SCAMP1: variants seen among roughly 807,000 people sequenced by gnomAD.
SCAMP1 encodes the protein secretory carrier-associated membrane protein 1.
SCAMP1 carries 15 observed loss-of-function variants against 41.8 expected under a neutral mutation model. That is an observed-to-expected ratio of 0.36 (90% CI 0.24 to 0.55). The LOEUF is 0.55. Ranked by LOEUF, SCAMP1 falls within the 20% of genes least tolerant of loss-of-function variation. The pLI is 0.86. For synonymous variants in SCAMP1, 135 were observed against 136.8 expected, an observed-to-expected ratio of 0.99 and a Z score of 0.09; for missense variants, 341 against 412.6, an observed-to-expected ratio of 0.83 and a Z score of 1.50.
At chr5:78,456,718 C>T (rs952345581) in intron 7 of SCAMP1, among the ~76,000 whole-genome samples, 7 of 150,806 alleles carry the variant, frequency 4.6e-5, no homozygotes, top group Admixed American at 4.6e-4. Context: ...TTTCCTGAAT[C>T]TGAGCGTTGG....
intron 2 of SCAMP1, among the ~76,000 whole-genome samples, chr5:78,413,586 T>G (rs1486440771): frequency 6.6e-6 from 1 of 152,060 alleles, no homozygotes; most frequent in Non-Finnish European, 1.5e-5. Context: ...CCTGTCTAAT[T>G]TTTTGTATTT....
Position 78,374,722 on chromosome 5 carries a change from G to A in SCAMP1, c.57+13994G>A, listed in dbSNP as rs527903820. On this transcript the variant is annotated intron_variant, in intron 1 of 8. Transcript: ENST00000621999. ...TAATCAAACAGATGCCTACTTAGGA[G>A]GTAAGTTGGCTTGGGCATGATTGCT... Among the ~76,000 whole-genome samples, 511 of 152,202 alleles carry A rather than the reference G, an allele frequency of 3.4e-3. 4 individuals carry two copies. Among genetic ancestry groups the A allele is most frequent in the African/African-American group, 0.012 (488 of 41,540 alleles).
intron 2 of SCAMP1, among the ~76,000 whole-genome samples, chr5:78,413,128 T>C (rs937482066): frequency 6.6e-6 from 1 of 152,250 alleles, no homozygotes; most frequent in East Asian, 1.9e-4. Context: ...TCTTTGTATA[T>C]GATGCGAAGT....
At chr5:78,441,226 C>T (rs547544148) in intron 6 of SCAMP1, among the ~76,000 whole-genome samples, 1 of 152,330 alleles carries the variant, frequency 6.6e-6, no homozygotes, top group African/African-American at 2.4e-5. Context: ...CAACCAGTCC[C>T]AGTGAGATGA....
intron 8 of SCAMP1, among the ~76,000 whole-genome samples, chr5:78,472,130 G>A (rs1753895148): frequency 6.6e-6 from 1 of 152,040 alleles, no homozygotes; most frequent in East Asian, 1.9e-4. Context: ...ATTTTCTAAA[G>A]TGACAGTACA....
chr5:78,460,796 C>CTTTCT (rs1202054068), intron 8 of SCAMP1, among the ~76,000 whole-genome samples: 1 of 35,666 alleles, frequency 2.8e-5, no homozygotes, highest in African/African-American at 1.6e-4. Context: ...TTCCTTCCTT[C>CTTTCT]CTTCCTTCCT....
intron 6 of SCAMP1, among the ~76,000 whole-genome samples, chr5:78,436,623 T>C (rs777251708): frequency 9.2e-5 from 14 of 152,248 alleles, no homozygotes; most frequent in Non-Finnish European, 1.8e-4. Flanking sequence ...TTGGTTACTG[T>C]AGCCTTGTAG....
Position 78,457,785 on chromosome 5 carries a change from T to C in SCAMP1, c.735-1460T>C, listed in dbSNP as rs1296190966. On this transcript the variant is annotated intron_variant, in intron 7 of 8. Coordinates refer to ENST00000621999, the MANE Select transcript of SCAMP1 (RefSeq NM_004866.6). Reference sequence around the variant, plus strand: ...AATGGTGGGCGCCCCTCCCCCAGCCTCGCTGCCGCCTTGCAGTTTGATCTC... The same window carrying C: ...AATGGTGGGCGCCCCTCCCCCAGCCCCGCTGCCGCCTTGCAGTTTGATCTC... The C allele has an allele frequency of 1.6e-4, 26 of 161,170 alleles. No homozygotes were observed. The East Asian group carries it at 4.5e-3, about 28-fold the overall frequency. The allele number at this position is 161,170 out of a possible 1,614,324, so 10.0% of individuals were successfully genotyped here.
intron 6 of SCAMP1, among the ~76,000 whole-genome samples, chr5:78,422,712 T>C (rs574845606): frequency 1.3e-5 from 2 of 152,206 alleles, no homozygotes; most frequent in African/African-American, 2.4e-5. Flanking sequence ...AACCATTATT[T>C]TTCTGTGGAG....
At chr5:78,459,657 T>A (rs1753534059) in intron 8 of SCAMP1, among the ~76,000 whole-genome samples, 1 of 152,208 alleles carries the variant, frequency 6.6e-6, no homozygotes, top group South Asian at 2.1e-4. Context: ...ATACTCTAAA[T>A]TTCTTTTTTT....
At chr5:78,376,688 A>G (rs1297795660) in intron 1 of SCAMP1, among the ~76,000 whole-genome samples, 1 of 152,236 alleles carries the variant, frequency 6.6e-6, no homozygotes, top group East Asian at 1.9e-4. Flanking sequence ...TTGTATTTTG[A>G]AAAGCTGATT....
intron 6 of SCAMP1, among the ~76,000 whole-genome samples, chr5:78,431,075 A>G (rs1278659705): frequency 6.6e-6 from 1 of 151,514 alleles, no homozygotes; most frequent in Non-Finnish European, 1.5e-5. Flanking sequence ...TGTGAAGCAG[A>G]TTTCTTCATT....
At chr5:78,414,766 A>G (rs1397411703) in intron 2 of SCAMP1, among the ~76,000 whole-genome samples, 2 of 152,004 alleles carry the variant, frequency 1.3e-5, no homozygotes, top group African/African-American at 4.8e-5. Flanking sequence ...GAAGTTGGGT[A>G]ATTTATTTTC....
intron 6 of SCAMP1, among the ~76,000 whole-genome samples, chr5:78,440,957 A>G (rs1047382971): frequency 6.6e-6 from 1 of 152,160 alleles, no homozygotes; most frequent in African/African-American, 2.4e-5. Flanking sequence ...TCGATCTCAG[A>G]CTGCTGTGCT....
intron 8 of SCAMP1, among the ~76,000 whole-genome samples, chr5:78,460,593 T>TTG (rs3058308): frequency 0.74 from 110,673 of 149,978 alleles, 41,219 homozygotes; most frequent in Middle Eastern, 0.77. Flanking sequence ...TTTAATGGGG[T>TTG]TTTTTTTTTC....
chr5:78,384,171 G>GTT (rs772536603), intron 1 of SCAMP1, among the ~76,000 whole-genome samples: 18,338 of 67,724 alleles, frequency 0.27, 2,522 homozygotes, highest in South Asian at 0.45. Context: ...ATATTCCCAA[G>GTT]TTTTTTTTCT....
rs1172655564 is a variant in SCAMP1, at chr5:78,476,551, T to G, written c.*883T>G. ...ATGAAAACTTTGGTATATTCTGTGG[T>G]TACAACTAAGATTGTGTCTGGCAGC... On this transcript the variant is annotated 3_prime_UTR_variant, in exon 9 of 9. Transcript: ENST00000621999. 1 of 152,580 alleles carries G rather than the reference T, an allele frequency of 6.6e-6. No homozygotes were observed. The highest frequency in any genetic ancestry group is 2.4e-5 in the African/African-American group (1 of 41,446). 9.5% of individuals were successfully genotyped at this position (152,580 alleles called of 1,614,324 possible).
At chr5:78,429,928 T>A (rs1752561252) in intron 6 of SCAMP1, among the ~76,000 whole-genome samples, 1 of 150,842 alleles carries the variant, frequency 6.6e-6, no homozygotes. Flanking sequence ...ATGTTGCCCC[T>A]TTTCCCCAAC....
At position 78,456,235 on chromosome 5, in the gene SCAMP1, A is replaced by C. The variant is rs1169755177; in HGVS notation, c.735-3010A>C. Among the ~76,000 whole-genome samples the C allele has an allele frequency of 6.3e-5, 9 of 142,208 alleles. 1 individual carries two copies. The highest frequency in any genetic ancestry group is 2.4e-4 in the African/African-American group (9 of 37,772). The allele number at this position is 142,208 out of a possible 152,430, so 93.3% of individuals were successfully genotyped here. A position where few individuals can be genotyped will look rare whatever the true frequency, so the allele number is the denominator to read the frequency against. ...AATTTGATCCTGTCATTATGATGTT[A>C]GCTGGTGATTTTGCTCGTTAGTTGA... is the stretch of plus-strand genomic sequence containing the variant. On this transcript the variant is annotated intron_variant, in intron 7 of 8. Transcript: ENST00000621999.
Sources: gnomAD v4.1 joint callset for allele counts (sites outside exome capture counted in the v4.1 genomes callset) on GRCh38, gnomAD v4.1.1 for gene constraint, MANE v1.5 for transcripts, NCBI Gene and HGNC (gene_info 2026-07-23, HGNC 2026-07-21) for gene names.